Variants in USP12 observed in about 807,000 individuals in gnomAD.
The protein encoded by USP12 is ubiquitin carboxyl-terminal hydrolase 12.
Under a neutral mutation model 45.5 loss-of-function variants are expected in USP12, and 19 were observed. The ratio of observed to expected loss-of-function variants is 0.42; its 90% confidence interval spans 0.29 to 0.61. The LOEUF (loss-of-function observed/expected upper bound fraction) is 0.61, where lower values mean the gene tolerates loss of function less well. Ranked by LOEUF, USP12 falls within the 20% of genes least tolerant of loss-of-function variation. USP12 has a pLI of 0.22. For synonymous variants in USP12, 149 were observed against 148.8 expected (o/e 1.00, Z -0.01); for missense variants, 242 against 447.7 (o/e 0.54, Z 4.15).
At chr13:27,096,189 C>A (rs1465140809) in intron 3 of USP12, among the ~76,000 whole-genome samples, 3 of 152,164 alleles carry the variant, frequency 2.0e-5, no homozygotes, top group Non-Finnish European at 4.4e-5. Flanking sequence ...AGAAGTTGGA[C>A]AACCATTTGC....
At chr13:27,075,167 C>A (rs746028379) in intron 7 of USP12, 24 bp downstream of exon 7, 2 of 1,612,926 alleles carry the variant, frequency 1.2e-6, no homozygotes, top group Non-Finnish European at 1.7e-6. Flanking sequence ...AATTCCACTA[C>A]TATGTCCCCG....
At chr13:27,135,951 T>G (rs1187191527) in intron 1 of USP12, among the ~76,000 whole-genome samples, 2 of 152,140 alleles carry the variant, frequency 1.3e-5, no homozygotes, top group African/African-American at 4.8e-5. Flanking sequence ...TACATAAAAT[T>G]CAGGCAGCAC....
chr13:27,136,354 C>T (rs1213918393), intron 1 of USP12, among the ~76,000 whole-genome samples: 2 of 152,048 alleles, frequency 1.3e-5, no homozygotes, highest in Admixed American at 1.3e-4. Context: ...AAAAATCAGC[C>T]GGGCATGGTG....
chr13:27,097,001 A>T lies in USP12; in HGVS notation c.344-1171T>A, dbSNP rs185090739. 6.2e-3 allele frequency among the ~76,000 whole-genome samples: 941 copies of T among 152,240 alleles called. 4 individuals are homozygous for T. The highest frequency in any genetic ancestry group is 0.014 in the Middle Eastern group (4 of 294). On this transcript the variant is annotated intron_variant, in intron 3 of 8. Coordinates refer to ENST00000282344, the MANE Select transcript of USP12 (RefSeq NM_182488.4). ...TATTAGAAATCTTTAAAAAAGTTTT[A>T]AAAAAAGTGAAACCTGAAAATTATT...
chr13:27,168,942 G>T (rs1878465358), intron 1 of USP12: 1 of 152,196 alleles, frequency 6.6e-6, no homozygotes, highest in Non-Finnish European at 1.5e-5. Context: ...CACAGCTGCT[G>T]ATTCTGAGAA....
intron 2 of USP12, among the ~76,000 whole-genome samples, chr13:27,109,973 T>C (rs1875351860): frequency 6.6e-6 from 1 of 150,482 alleles, no homozygotes; most frequent in African/African-American, 2.4e-5. Flanking sequence ...CCAATACCAC[T>C]GCATTGGATG....
At chr13:27,145,205 A>G (rs1217430918) in intron 1 of USP12, among the ~76,000 whole-genome samples, 1 of 152,194 alleles carries the variant, frequency 6.6e-6, no homozygotes, top group Non-Finnish European at 1.5e-5. Flanking sequence ...TTTCCCAGTG[A>G]GTTTCCTTCT....
intron 6 of USP12, among the ~76,000 whole-genome samples, chr13:27,086,693 G>T (rs570075614): frequency 2.6e-5 from 4 of 151,764 alleles, no homozygotes; most frequent in Non-Finnish European, 5.9e-5. Context: ...CTCACAGATG[G>T]GCCTTCCTCC....
At chr13:27,139,325 G>C (rs1241333038) in intron 1 of USP12, among the ~76,000 whole-genome samples, 1 of 152,138 alleles carries the variant, frequency 6.6e-6, no homozygotes, top group Non-Finnish European at 1.5e-5. Context: ...TTTTAAAATA[G>C]TCACTCTTGG....
chr13:27,074,411 A>C (rs532602043), intron 7 of USP12, among the ~76,000 whole-genome samples: 1 of 152,274 alleles, frequency 6.6e-6, no homozygotes, highest in Non-Finnish European at 1.5e-5. Context: ...AAAAGAAAAA[A>C]AAAAAATTCT....
At chr13:27,105,678 C>T (rs1875099312) in intron 3 of USP12, 53 bp downstream of exon 3, 2 of 1,524,866 alleles carry the variant, frequency 1.3e-6, no homozygotes, top group Non-Finnish European at 1.8e-6. Flanking sequence ...AATTATGGCA[C>T]ACTATATTTA....
chr13:27,103,595 T>A (rs1486904833), intron 3 of USP12, among the ~76,000 whole-genome samples: 4 of 17,550 alleles, frequency 2.3e-4, no homozygotes, highest in African/African-American at 3.7e-4. Context: ...ACTATTGAAC[T>A]ATCAAAAAAA....
intron 3 of USP12, among the ~76,000 whole-genome samples, chr13:27,103,009 A>G (rs1382867153): frequency 6.6e-6 from 1 of 152,272 alleles, no homozygotes; most frequent in African/African-American, 2.4e-5. Flanking sequence ...ACATGAGTTA[A>G]AACTGTAAAA....
At chr13:27,117,818 C>G (rs1443360279) in intron 1 of USP12, 1 of 518,286 alleles carries the variant, frequency 1.9e-6, no homozygotes. Context: ...CAACTCAATT[C>G]TGTGCACCTG....
chr13:27,119,887 G>A (rs528785838), intron 1 of USP12, among the ~76,000 whole-genome samples: 1 of 152,344 alleles, frequency 6.6e-6, no homozygotes, highest in Admixed American at 6.5e-5. Flanking sequence ...ACACTGCGCA[G>A]CAGATTCTGC....
intron 1 of USP12, among the ~76,000 whole-genome samples, chr13:27,164,745 A>G (rs1878277082): frequency 6.6e-6 from 1 of 152,190 alleles, no homozygotes; most frequent in Non-Finnish European, 1.5e-5. Context: ...AACTCTTCAT[A>G]ATACAACTCT....
chr13:27,167,394 TG>T (rs1392948086), intron 1 of USP12, among the ~76,000 whole-genome samples: 7 of 152,198 alleles, frequency 4.6e-5, no homozygotes, highest in African/African-American at 1.7e-4. Flanking sequence ...ATGTCCAAAA[TG>T]TATTTTAGAC....
chr13:27,130,423 C>T (rs924587487), intron 1 of USP12, among the ~76,000 whole-genome samples: 2 of 152,020 alleles, frequency 1.3e-5, no homozygotes, highest in Admixed American at 1.3e-4. Flanking sequence ...TTAGAAAAGT[C>T]ATTATACAAA....
chr13:27,137,159 A>G (rs1876843516), intron 1 of USP12, among the ~76,000 whole-genome samples: 1 of 152,220 alleles, frequency 6.6e-6, no homozygotes, highest in Admixed American at 6.5e-5. Context: ...ATATTACAAA[A>G]TATATTCCCT....
Sources: gnomAD v4.1 joint callset for allele counts (sites outside exome capture counted in the v4.1 genomes callset) on GRCh38, gnomAD v4.1.1 for gene constraint, MANE v1.5 for transcripts, NCBI Gene and HGNC (gene_info 2026-07-23, HGNC 2026-07-21) for gene names.